The following ERBB4 variants were observed in gnomAD, a reference collection of about 807,000 sequenced individuals.
ERBB4 encodes the protein erb-b2 receptor tyrosine kinase 4.
ERBB4 carries 42 observed loss-of-function variants against 158.0 expected under a neutral mutation model. That is an observed-to-expected ratio of 0.27 (90% CI 0.21 to 0.34). The LOEUF is 0.34. Ranked by LOEUF, ERBB4 falls within the 10% of genes least tolerant of loss-of-function variation. ERBB4 has a pLI of 1.00. For synonymous variants in ERBB4, 583 were observed against 558.7 expected (o/e 1.04, Z -0.61); for missense variants, 1,333 against 1,624.1 (o/e 0.82, Z 3.08).
chr2:212,476,133 A>ACTCT (rs369273070), intron 1 of ERBB4, among the ~76,000 whole-genome samples: 21 of 141,884 alleles, frequency 1.5e-4, no homozygotes, highest in Admixed American at 4.9e-4. Flanking sequence ...ACACATACAT[A>ACTCT]CTCTCTCTCT....
At chr2:211,711,859 A>C (rs1397675994) in intron 9 of ERBB4, among the ~76,000 whole-genome samples, 191 bp downstream of exon 9, 1 of 152,158 alleles carries the variant, frequency 6.6e-6, no homozygotes, top group Non-Finnish European at 1.5e-5. Context: ...ACCAAACTAA[A>C]GTTTGAGCAC....
chr2:211,586,049 C>T (rs941629817), intron 19 of ERBB4, among the ~76,000 whole-genome samples: 1 of 152,132 alleles, frequency 6.6e-6, no homozygotes, highest in African/African-American at 2.4e-5. Context: ...ATTACCTCTT[C>T]TTCCTATCAA....
chr2:212,483,760 T>C (rs1342842447), intron 1 of ERBB4, among the ~76,000 whole-genome samples: 2 of 152,210 alleles, frequency 1.3e-5, no homozygotes, highest in East Asian at 3.9e-4. Flanking sequence ...TTTTTGAGAC[T>C]GAGTCTTGCT....
intron 1 of ERBB4, among the ~76,000 whole-genome samples, chr2:212,252,224 T>A (rs1260019269): frequency 6.6e-6 from 1 of 152,012 alleles, no homozygotes; most frequent in Non-Finnish European, 1.5e-5. Context: ...ACGATGGATA[T>A]GACTGTAGAT....
intron 1 of ERBB4, among the ~76,000 whole-genome samples, chr2:212,520,832 G>A (rs1190881296): frequency 6.6e-6 from 1 of 151,948 alleles, no homozygotes; most frequent in Non-Finnish European, 1.5e-5. Context: ...TTTTAAGCAT[G>A]TACGGTTTTG....
intron 20 of ERBB4, among the ~76,000 whole-genome samples, chr2:211,519,673 GA>G (rs1469048520): frequency 6.6e-6 from 1 of 150,496 alleles, no homozygotes; most frequent in Admixed American, 6.6e-5. Context: ...GGGCAAAAAA[GA>G]AAAAAAGAAA....
At chr2:211,887,774 A>G (rs2106171260) in intron 3 of ERBB4, among the ~76,000 whole-genome samples, 2 of 152,312 alleles carry the variant, frequency 1.3e-5, no homozygotes, top group African/African-American at 4.8e-5. Flanking sequence ...AACATACTTA[A>G]TATGTTTATT....
At chr2:211,461,693 C>T (rs144874649) in intron 20 of ERBB4, among the ~76,000 whole-genome samples, 31 of 152,130 alleles carry the variant, frequency 2.0e-4, no homozygotes, top group Non-Finnish European at 3.2e-4. Flanking sequence ...GAGATACACA[C>T]TACGAAATGT....
chr2:212,011,588 C>T lies in ERBB4; in HGVS notation c.235-63972G>A, dbSNP rs565726716. Among the ~76,000 whole-genome samples, 3 of 151,764 alleles carry T rather than the reference C, an allele frequency of 2.0e-5. No individual in the cohort carries two copies. In the South Asian group the frequency reaches 6.3e-4, roughly 32 times the overall value. ...CAACATGGCGAAACTCCATCTCTAC[C>T]AAAAATACAAAATTAGCCAGGTTTG... On this transcript the variant is annotated intron_variant, in intron 2 of 27. Coordinates refer to ENST00000342788, the MANE Select transcript of ERBB4 (RefSeq NM_005235.3).
intron 8 of ERBB4, 57 bp downstream of exon 8, chr2:211,713,478 T>A: frequency 9.3e-7 from 1 of 1,081,060 alleles, no homozygotes; most frequent in Non-Finnish European, 1.4e-6. Flanking sequence ...TAAAAGTGAA[T>A]TAAAAACCTT....
intron 1 of ERBB4, among the ~76,000 whole-genome samples, chr2:212,176,091 A>G (rs943121584): frequency 1.3e-5 from 2 of 152,036 alleles, no homozygotes; most frequent in Non-Finnish European, 2.9e-5. Flanking sequence ...TTAGAGTACA[A>G]ACTCCTCAGT....
At chr2:211,624,980 T>C (rs2069782628) in intron 17 of ERBB4, among the ~76,000 whole-genome samples, 3 of 151,620 alleles carry the variant, frequency 2.0e-5, no homozygotes, top group African/African-American at 7.3e-5. Flanking sequence ...GCTGATAGTT[T>C]TAGACGTCAT....
rs11676068 is a variant in ERBB4, at chr2:212,399,545, C to A, written c.82+138904G>T. Among the ~76,000 whole-genome samples the A allele has an allele frequency of 3.3e-3, 124 of 38,094 alleles. 4 individuals are homozygous for A. Among genetic ancestry groups the A allele is most frequent in the African/African-American group, 0.014 (108 of 7,958 alleles). The allele number at this position is 38,094 out of a possible 152,430, so 25.0% of individuals were successfully genotyped here. On this transcript the variant is annotated intron_variant, in intron 1 of 27. Coordinates refer to ENST00000342788, the MANE Select transcript of ERBB4 (RefSeq NM_005235.3). ...TCCCCTGATATATATTTTATATATA[C>A]ATATATATATATATATATATATATA... is the stretch of plus-strand genomic sequence containing the variant.
intron 1 of ERBB4, among the ~76,000 whole-genome samples, chr2:212,256,019 G>GA (rs1233837141): frequency 2.3e-5 from 3 of 128,484 alleles, no homozygotes; most frequent in South Asian, 2.3e-4. Context: ...TTTACAAATG[G>GA]GGGGGGGTCT....
intron 5 of ERBB4, among the ~76,000 whole-genome samples, chr2:211,747,569 A>T (rs2075011784): frequency 6.6e-6 from 1 of 152,144 alleles, no homozygotes; most frequent in South Asian, 2.1e-4. Flanking sequence ...GAAATAAGAG[A>T]TGTTGGTGGA....
intron 20 of ERBB4, among the ~76,000 whole-genome samples, chr2:211,450,980 G>C (rs1274833326): frequency 1.3e-5 from 2 of 152,148 alleles, no homozygotes; most frequent in Non-Finnish European, 2.9e-5. Flanking sequence ...ATTTACTAAA[G>C]GAATAAGTGC....
chr2:211,422,189 G>A (rs1433117757), intron 23 of ERBB4, 85 bp from the exon 24 acceptor site: 7 of 762,334 alleles, frequency 9.2e-6, no homozygotes, highest in South Asian at 2.7e-5. Flanking sequence ...ATGAGCAAAA[G>A]TTTGAAAAAT....
intron 3 of ERBB4, among the ~76,000 whole-genome samples, chr2:211,935,340 T>A (rs2080290733): frequency 6.6e-6 from 1 of 151,990 alleles, no homozygotes; most frequent in Non-Finnish European, 1.5e-5. Context: ...TGAGTCTGAG[T>A]AGAGTTAAGT....
At chr2:211,806,582 C>T (rs887660511) in intron 3 of ERBB4, among the ~76,000 whole-genome samples, 5 of 151,976 alleles carry the variant, frequency 3.3e-5, no homozygotes, top group African/African-American at 1.2e-4. Flanking sequence ...TATCACAATG[C>T]AACAGAAATG....
Sources: allele counts gnomAD v4.1 joint callset (sites outside exome capture counted in the v4.1 genomes callset), GRCh38; gene constraint gnomAD v4.1.1; transcripts MANE v1.5; gene names NCBI Gene and HGNC (gene_info 2026-07-23, HGNC 2026-07-21).